The following CSMD3 variants were observed in gnomAD, a reference collection of about 807,000 sequenced individuals.
The protein encoded by CSMD3 is CUB and sushi domain-containing protein 3.
A neutral mutation model predicts 435.2 loss-of-function variants in CSMD3; 177 were observed. The observed-to-expected ratio is 0.41, with a 90% CI of 0.36 to 0.46. The LOEUF is 0.46. CSMD3 is among the 20% of genes least tolerant of loss of function. The pLI is 0.34. For missense variants in CSMD3, 4,265 were observed against 4,504.6 expected (o/e 0.95, Z 1.52); for synonymous variants, 1,656 against 1,520.5 (o/e 1.09, Z -2.07).
intron 3 of CSMD3, among the ~76,000 whole-genome samples, chr8:113,245,059 C>T (rs1406134791): frequency 1.4e-4 from 22 of 152,058 alleles, no homozygotes; most frequent in Admixed American, 1.2e-3. Flanking sequence ...AAACAGTTAT[C>T]GTCTTAAAGC....
chr8:113,110,737 T>C (rs908113683), intron 4 of CSMD3, among the ~76,000 whole-genome samples: 14 of 152,216 alleles, frequency 9.2e-5, no homozygotes, highest in African/African-American at 3.4e-4. Flanking sequence ...CTCTATTTGT[T>C]ACCTAGTTCT....
At chr8:113,048,836 C>T (rs1222093954) in intron 5 of CSMD3, among the ~76,000 whole-genome samples, 1 of 152,146 alleles carries the variant, frequency 6.6e-6, no homozygotes, top group Non-Finnish European at 1.5e-5. Context: ...TAAGCAAACT[C>T]AGTTACATTA....
intron 5 of CSMD3, among the ~76,000 whole-genome samples, chr8:113,066,129 G>GA (rs532343282): frequency 6.9e-3 from 339 of 49,130 alleles, no homozygotes; most frequent in Middle Eastern, 0.037. Flanking sequence ...CCAAGAAAAA[G>GA]AAAAAAAAAA....
intron 10 of CSMD3, among the ~76,000 whole-genome samples, chr8:112,861,331 T>C (rs1422078153): frequency 6.6e-6 from 1 of 151,878 alleles, no homozygotes; most frequent in African/African-American, 2.4e-5. Context: ...TCCGATGGAA[T>C]AAAGTACAAA....
intron 1 of CSMD3, among the ~76,000 whole-genome samples, chr8:113,327,590 CA>C (rs1156490939): frequency 1.3e-5 from 2 of 152,110 alleles, no homozygotes; most frequent in African/African-American, 2.4e-5. Flanking sequence ...TCCCAGCAAT[CA>C]GGGGGAACAG....
chr8:113,193,681 C>T (rs1396766475), intron 3 of CSMD3, among the ~76,000 whole-genome samples: 1 of 151,348 alleles, frequency 6.6e-6, no homozygotes, highest in Non-Finnish European at 1.5e-5. Flanking sequence ...CACAAAATTC[C>T]ACATCTATGA....
intron 8 of CSMD3, among the ~76,000 whole-genome samples, chr8:112,953,189 C>T (rs547802776): frequency 3.1e-4 from 47 of 151,324 alleles, no homozygotes; most frequent in African/African-American, 1.0e-3. Context: ...ATTGGCTACA[C>T]AAAATATTAG....
At chr8:112,694,069 C>T (rs56042027) in intron 13 of CSMD3, among the ~76,000 whole-genome samples, 83,420 of 149,212 alleles carry the variant, frequency 0.56, 24,080 homozygotes, top group African/African-American at 0.73. Context: ...TTCTTTTTTT[C>T]CATAAATACA....
chr8:112,493,518 C>T (rs1820909760), intron 30 of CSMD3, among the ~76,000 whole-genome samples: 1 of 152,104 alleles, frequency 6.6e-6, no homozygotes, highest in Non-Finnish European at 1.5e-5. Flanking sequence ...TCATTCTCCA[C>T]ATTTTTATCA....
chr8:112,414,162 G>T (rs1563917906), intron 32 of CSMD3, among the ~76,000 whole-genome samples: 1 of 152,124 alleles, frequency 6.6e-6, no homozygotes, highest in Non-Finnish European at 1.5e-5. Context: ...AAACCCATCA[G>T]AGTAGTTCAT....
intron 10 of CSMD3, among the ~76,000 whole-genome samples, chr8:112,897,573 C>G (rs1261344893): frequency 6.6e-6 from 1 of 151,124 alleles, no homozygotes; most frequent in Non-Finnish European, 1.5e-5. Context: ...TAAATAATCT[C>G]CCAGATTAAT....
chr8:112,534,706 A>T (rs1825883379), intron 27 of CSMD3, among the ~76,000 whole-genome samples: 1 of 152,110 alleles, frequency 6.6e-6, no homozygotes, highest in African/African-American at 2.4e-5. Context: ...CTGATACCAA[A>T]GCCAGGCAGA....
intron 10 of CSMD3, among the ~76,000 whole-genome samples, chr8:112,867,399 AT>A (rs1454173806): frequency 1.3e-5 from 2 of 152,272 alleles, no homozygotes; most frequent in African/African-American, 4.8e-5. Context: ...ACACTCCCTG[AT>A]TTCAAACTTC....
chr8:112,718,639 C>T (rs2131956934), intron 13 of CSMD3, among the ~76,000 whole-genome samples: 1 of 152,096 alleles, frequency 6.6e-6, no homozygotes, highest in East Asian at 1.9e-4. Context: ...TTAACTACTT[C>T]ACCTTGAATA....
rs576268220 is a variant in CSMD3 at position 113,331,156 on chromosome 8, G to A, written c.179-16363C>T. On this transcript the variant is annotated intron_variant, in intron 1 of 70. Transcript: ENST00000297405. ...TAACTACCAGCCTTAACGAAATAAG[G>A]GTTATAAGGAATTCTATGAATTAAA... Among the ~76,000 whole-genome samples, 9 of 151,448 alleles carry A rather than the reference G, an allele frequency of 5.9e-5. No individual in the cohort carries two copies. The South Asian group carries it at 1.7e-3, about 28-fold the overall frequency.
intron 22 of CSMD3, among the ~76,000 whole-genome samples, chr8:112,602,886 G>A (rs1020299043): frequency 4.6e-5 from 7 of 152,156 alleles, no homozygotes; most frequent in Non-Finnish European, 7.3e-5. Flanking sequence ...ATCAGTCTAT[G>A]GTACATATCA....
chr8:112,947,498 T>C (rs2083652404), intron 9 of CSMD3, among the ~76,000 whole-genome samples: 1 of 151,522 alleles, frequency 6.6e-6, no homozygotes, highest in Non-Finnish European at 1.5e-5. Context: ...AACTAATAAG[T>C]AGCAAAACTG....
chr8:112,271,300 G>A lies in CSMD3; in HGVS notation c.9509-5710C>T, dbSNP rs1375608045. ...TTTAGCAAAAACAAATTTTACAAAT[G>A]GTCGTTTCATTAAGAAATGATATAA... On this transcript the variant is annotated intron_variant, in intron 59 of 70. Coordinates refer to ENST00000297405, the MANE Select transcript of CSMD3 (RefSeq NM_198123.2). Among the ~76,000 whole-genome samples, 3 of 152,190 alleles carry A rather than the reference G, an allele frequency of 2.0e-5. No individual in the cohort carries two copies. The East Asian group carries it at 5.8e-4, about 29-fold the overall frequency.
chr8:113,082,963 C>T (rs900997536), intron 5 of CSMD3, among the ~76,000 whole-genome samples: 1 of 151,940 alleles, frequency 6.6e-6, no homozygotes, highest in Middle Eastern at 3.2e-3. Flanking sequence ...ATTAAGCAAA[C>T]AAATATTCAC....
Sources: gnomAD v4.1 joint callset for allele counts (sites outside exome capture counted in the v4.1 genomes callset) on GRCh38, gnomAD v4.1.1 for gene constraint, MANE v1.5 for transcripts, NCBI Gene and HGNC (gene_info 2026-07-23, HGNC 2026-07-21) for gene names.